The following CRYL1 variants were observed in gnomAD, a reference collection of about 807,000 sequenced individuals.
The protein encoded by CRYL1 is lambda-crystallin homolog.
A neutral mutation model predicts 36.6 loss-of-function variants in CRYL1; 29 were observed. That is an observed-to-expected ratio of 0.79 (90% CI 0.59 to 1.08). The LOEUF (loss-of-function observed/expected upper bound fraction) is 1.08, where lower values mean the gene tolerates loss of function less well. Ranked by LOEUF, CRYL1 falls within the 50% of genes least tolerant of loss-of-function variation. The pLI is 0.00. For synonymous variants in CRYL1, 152 were observed against 151.5 expected, an observed-to-expected ratio of 1.00 and a Z score of -0.02; for missense variants, 411 against 407.9, an observed-to-expected ratio of 1.01 and a Z score of -0.06.
intron 3 of CRYL1, among the ~76,000 whole-genome samples, chr13:20,450,556 A>C (rs987397780): frequency 1.3e-4 from 20 of 152,216 alleles, no homozygotes; most frequent in African/African-American, 4.8e-4. Flanking sequence ...CTAAGTCAGG[A>C]AACAACAGGT....
At chr13:20,492,798 T>A (rs182861989) in intron 2 of CRYL1, among the ~76,000 whole-genome samples, 1 of 152,320 alleles carries the variant, frequency 6.6e-6, no homozygotes, top group Admixed American at 6.5e-5. Context: ...GGTATATTGT[T>A]CTGAGGATGA....
At chr13:20,404,935 C>T (rs564353928) in intron 6 of CRYL1, among the ~76,000 whole-genome samples, 194 bp from the exon 7 acceptor site, 27 of 152,260 alleles carry the variant, frequency 1.8e-4, no homozygotes, top group Admixed American at 5.2e-4. Context: ...CTCCCCATTA[C>T]GCACTGTCCA....
At chr13:20,505,203 T>A (rs7335143) in intron 2 of CRYL1, among the ~76,000 whole-genome samples, 87,506 of 151,628 alleles carry the variant, frequency 0.58, 25,366 homozygotes, top group Non-Finnish European at 0.6. Context: ...TAAAAAATAC[T>A]AAAATCAGCC....
chr13:20,499,333 G>A (rs1294980533), intron 2 of CRYL1, among the ~76,000 whole-genome samples: 3 of 134,162 alleles, frequency 2.2e-5, no homozygotes, highest in African/African-American at 8.1e-5. Flanking sequence ...GCAACAGAGT[G>A]AGACCCTGTC....
At chr13:20,475,000 G>A (rs1593470627) in intron 3 of CRYL1, among the ~76,000 whole-genome samples, 2 of 152,234 alleles carry the variant, frequency 1.3e-5, no homozygotes, top group African/African-American at 2.4e-5. Flanking sequence ...CCAGCATCTG[G>A]ACCCGTGCGC....
At position 20,522,911 on chromosome 13, in the gene CRYL1, C is replaced by CTTTTTTTTT. The variant is rs386378385; in HGVS notation, c.41+2834_41+2842dup. Among the ~76,000 whole-genome samples, 158 of 82,958 alleles carry CTTTTTTTTT rather than the reference C, an allele frequency of 1.9e-3. 12 individuals carry two copies. Among genetic ancestry groups the CTTTTTTTTT allele is most frequent in the Non-Finnish European group, 2.4e-3 (111 of 46,650 alleles). The allele number at this position is 82,958 out of a possible 152,430, so 54.4% of individuals were successfully genotyped here. ...TTTATCTTCATGATACCCATTTCTA[C>CTTTTTTTTT]TTTTTTTTTTTTTTTTTTTTTTTTG... On this transcript the variant is annotated intron_variant, in intron 1 of 7. Transcript: ENST00000298248.
chr13:20,446,607 T>C (rs1228642452), intron 3 of CRYL1, among the ~76,000 whole-genome samples: 1 of 152,216 alleles, frequency 6.6e-6, no homozygotes, highest in Non-Finnish European at 1.5e-5. Context: ...TGATGACCAA[T>C]AGGGTGACAA....
At chr13:20,485,033 G>T (rs12428869) in intron 3 of CRYL1, among the ~76,000 whole-genome samples, 9,495 of 152,026 alleles carry the variant, frequency 0.062, 582 homozygotes, top group African/African-American at 0.14. Context: ...TGTTGTTGTT[G>T]TTGAGACAAG....
intron 3 of CRYL1, among the ~76,000 whole-genome samples, chr13:20,451,586 T>C (rs1214528384): frequency 2.0e-5 from 3 of 152,126 alleles, no homozygotes; most frequent in African/African-American, 4.8e-5. Context: ...CACAATGAGA[T>C]ACCATCTCAC....
At chr13:20,460,968 C>A (rs1372181876) in intron 3 of CRYL1, among the ~76,000 whole-genome samples, 1 of 152,062 alleles carries the variant, frequency 6.6e-6, no homozygotes, top group Non-Finnish European at 1.5e-5. Flanking sequence ...CCCTTCCCAG[C>A]GGCGCCCTCC....
chr13:20,485,269 T>C (rs769927587), intron 3 of CRYL1, among the ~76,000 whole-genome samples: 1 of 151,882 alleles, frequency 6.6e-6, no homozygotes, highest in Non-Finnish European at 1.5e-5. Flanking sequence ...TCTGCCCACA[T>C]TGGCCTCCCA....
rs981973870 is a variant in CRYL1 at position 20,517,797 on chromosome 13, A to G, written c.42-5247T>C. Reference sequence around the variant, plus strand: ...TAAAAACACAAAAAATTAGCCGGGCATGGTGGCGGATGCCTGTAGTCCCAG... The same window carrying G: ...TAAAAACACAAAAAATTAGCCGGGCGTGGTGGCGGATGCCTGTAGTCCCAG... On this transcript the variant is annotated intron_variant, in intron 1 of 7. Coordinates refer to ENST00000298248, the MANE Select transcript of CRYL1 (RefSeq NM_015974.3). 4.4e-4 allele frequency among the ~76,000 whole-genome samples: 64 copies of G among 144,070 alleles called. 1 individual carries two copies. Among genetic ancestry groups the G allele is most frequent in the African/African-American group, 7.7e-5 (3 of 38,914 alleles). 94.5% of individuals were successfully genotyped at this position (144,070 alleles called of 152,430 possible).
chr13:20,466,682 C>CTGTGTGTG (rs57209647), intron 3 of CRYL1, among the ~76,000 whole-genome samples: 48,426 of 129,294 alleles, frequency 0.37, 8,303 homozygotes, highest in Middle Eastern at 0.45. Flanking sequence ...TTGGAAAACT[C>CTGTGTGTG]TGTGTGTGTG....
At chr13:20,442,735 A>T (rs2032375276) in intron 3 of CRYL1, among the ~76,000 whole-genome samples, 1 of 152,226 alleles carries the variant, frequency 6.6e-6, no homozygotes, top group African/African-American at 2.4e-5. Flanking sequence ...ACTTTGCTTA[A>T]TTAAAGGTTG....
intron 2 of CRYL1, among the ~76,000 whole-genome samples, chr13:20,492,822 C>G (rs946846293): frequency 6.6e-6 from 1 of 152,052 alleles, no homozygotes; most frequent in Non-Finnish European, 1.5e-5. Context: ...GCAATTTGCT[C>G]CTGCCAGGCA....
At chr13:20,440,313 G>A (rs769141568) in intron 3 of CRYL1, among the ~76,000 whole-genome samples, 5 of 152,148 alleles carry the variant, frequency 3.3e-5, no homozygotes, top group African/African-American at 9.7e-5. Flanking sequence ...TCTGTCTTTT[G>A]TTATAGGGCC....
intron 3 of CRYL1, among the ~76,000 whole-genome samples, chr13:20,483,769 G>A (rs1269344073): frequency 2.0e-5 from 3 of 152,064 alleles, no homozygotes; most frequent in Non-Finnish European, 4.4e-5. Context: ...TCGAACTCCT[G>A]AGCTCAAGTA....
At chr13:20,404,607 T>C in intron 7 of CRYL1, 28 bp downstream of exon 7, 1 of 1,460,892 alleles carries the variant, frequency 6.8e-7, no homozygotes, top group Non-Finnish European at 9.6e-7. Context: ...CATGCTTCTC[T>C]GCAGTGAGTT....
intron 2 of CRYL1, among the ~76,000 whole-genome samples, chr13:20,508,988 G>A (rs1258425726): frequency 2.0e-5 from 3 of 150,962 alleles, no homozygotes; most frequent in African/African-American, 2.4e-5. Context: ...ATCACCTGAG[G>A]TCAGGAGTCA....
Sources: allele counts gnomAD v4.1 joint callset (sites outside exome capture counted in the v4.1 genomes callset), GRCh38; gene constraint gnomAD v4.1.1; transcripts MANE v1.5; gene names NCBI Gene and HGNC (gene_info 2026-07-23, HGNC 2026-07-21).